Variants in SATL1 observed in about 807,000 individuals in gnomAD.
SATL1 encodes spermidine/spermine N(1)-acetyltransferase-like protein 1.
In SATL1, 47 loss-of-function variants were observed where a neutral mutation model predicts 51.8. That is an observed-to-expected ratio of 0.91 (90% confidence interval 0.72 to 1.16). The LOEUF is 1.16. Among genes scored for constraint, SATL1 ranks in the 50% most tolerant of loss-of-function variants. The pLI is 0.00. For synonymous variants in SATL1, 176 were observed against 182.4 expected, an observed-to-expected ratio of 0.97 and a Z score of 0.28; for missense variants, 520 against 526.4, an observed-to-expected ratio of 0.99 and a Z score of 0.12.
At chrX:85,178,225 A>T (rs897282076) in intron 2 of SATL1, among the ~76,000 whole-genome samples, 4 of 111,072 alleles carry the variant, frequency 3.6e-5, no homozygotes, top group Non-Finnish European at 7.6e-5. Context: ...CCTCTCATTC[A>T]GCCTTGGCAG....
intron 2 of SATL1, among the ~76,000 whole-genome samples, chrX:85,199,404 A>G (rs895996915): frequency 2.3e-4 from 26 of 111,810 alleles, no homozygotes; most frequent in African/African-American, 8.5e-4. Context: ...GAGCTACCAT[A>G]TGATCCAGCA....
intron 2 of SATL1, among the ~76,000 whole-genome samples, chrX:85,127,200 A>G (rs970344081): frequency 3.6e-5 from 4 of 110,644 alleles, no homozygotes; most frequent in African/African-American, 1.3e-4. Flanking sequence ...TGTTTTTAAG[A>G]GGTTACTTAA....
intron 3 of SATL1, among the ~76,000 whole-genome samples, chrX:85,106,086 G>A (rs1176711378): frequency 8.9e-6 from 1 of 111,834 alleles, no homozygotes; most frequent in Non-Finnish European, 1.9e-5. Flanking sequence ...GAGATTAATT[G>A]TCATTCAACA....
chrX:85,126,101 C>T (rs935923425), intron 2 of SATL1, among the ~76,000 whole-genome samples: 15 of 110,688 alleles, frequency 1.4e-4, no homozygotes, highest in Non-Finnish European at 2.6e-4. Context: ...AGGATAAATG[C>T]AAACCACAAT....
intron 2 of SATL1, among the ~76,000 whole-genome samples, chrX:85,146,046 G>A (rs893771735): frequency 8.2e-5 from 9 of 109,893 alleles, no homozygotes; most frequent in Non-Finnish European, 1.1e-4. Context: ...ACAGGCGCCC[G>A]CCACCACGCC....
chrX:85,195,863 A>G (rs1409230708), intron 2 of SATL1, among the ~76,000 whole-genome samples: 3 of 110,693 alleles, frequency 2.7e-5, no homozygotes, highest in African/African-American at 9.8e-5. Context: ...CAAAACGTTG[A>G]GAGCACGTTC....
At position 85,157,886 on chromosome X, in the gene SATL1, C is replaced by T. The variant is rs368727773; in HGVS notation, c.-312-48606G>A. 1.3e-4 allele frequency among the ~76,000 whole-genome samples: 15 copies of T among 111,446 alleles called. No individual in the cohort carries two copies. The East Asian group carries it at 3.7e-3, about 27-fold the overall frequency. The stretch of plus-strand genomic sequence containing the variant: ...CCACAAGCGAACTACCATACCTGTC[C>T]CAATCTACATATTCTTCTCTTTCAG... On this transcript the variant is annotated intron_variant, in intron 2 of 7. Transcript: ENST00000644105.
At chrX:85,162,048 C>G (rs2147728906) in intron 2 of SATL1, among the ~76,000 whole-genome samples, 1 of 111,524 alleles carries the variant, frequency 9.0e-6, no homozygotes, top group East Asian at 2.8e-4. Context: ...ATTAAATAAT[C>G]TCCTCCTGAA....
chrX:85,205,626 G>C (rs1927777893), intron 2 of SATL1, among the ~76,000 whole-genome samples: 1 of 111,915 alleles, frequency 8.9e-6, no homozygotes, highest in African/African-American at 3.2e-5. Context: ...GAAAAAATGG[G>C]CTTGATGTTT....
intron 2 of SATL1, among the ~76,000 whole-genome samples, chrX:85,130,107 CT>C (rs956393191): frequency 2.7e-5 from 3 of 111,478 alleles, no homozygotes; most frequent in Non-Finnish European, 3.8e-5. Flanking sequence ...CTAAAATTCT[CT>C]TTTTTTGTTG....
At chrX:85,201,633 T>C (rs1286383732) in intron 2 of SATL1, among the ~76,000 whole-genome samples, 1 of 111,089 alleles carries the variant, frequency 9.0e-6, no homozygotes, top group Non-Finnish European at 1.9e-5. Flanking sequence ...CCTTCTCAAG[T>C]AGATCCCAGT....
intron 2 of SATL1, among the ~76,000 whole-genome samples, chrX:85,177,499 T>C (rs1927106013): frequency 9.0e-6 from 1 of 111,530 alleles, no homozygotes; most frequent in African/African-American, 3.2e-5. Context: ...ATTCGGGATA[T>C]GACAAAAATC....
intron 2 of SATL1, among the ~76,000 whole-genome samples, chrX:85,133,290 C>T (rs766297988): frequency 1.8e-5 from 2 of 112,028 alleles, no homozygotes; most frequent in South Asian, 3.7e-4. Context: ...AGGTGGGCCT[C>T]GTTGAGCTGC....
rs1229805093 is a variant in SATL1 at position 85,109,198 on chromosome X, T to C, written c.-230A>G. Reference sequence around the variant, plus strand: ...AGGAGCACCTCAGGAAGATTATTAATGCCTCCGGTTTGCTGGAGTTGACTT... The same window carrying C: ...AGGAGCACCTCAGGAAGATTATTAACGCCTCCGGTTTGCTGGAGTTGACTT... On this transcript the variant is annotated 5_prime_UTR_variant, in exon 3 of 8. Transcript: ENST00000644105. 2 of 407,298 alleles carry C rather than the reference T, an allele frequency of 4.9e-6. No individual in the cohort carries two copies. The highest frequency in any genetic ancestry group is 4.7e-5 in the South Asian group (1 of 21,078). The allele number at this position is 407,298 out of a possible 1,213,427, so 33.6% of individuals were successfully genotyped here.
At chrX:85,179,258 T>C (rs1010148770) in intron 2 of SATL1, among the ~76,000 whole-genome samples, 2 of 112,151 alleles carry the variant, frequency 1.8e-5, no homozygotes, top group African/African-American at 6.5e-5. Flanking sequence ...CCTCTGACAT[T>C]TGATTTACTA....
chrX:85,112,211 G>T (rs1925274981), intron 2 of SATL1, among the ~76,000 whole-genome samples: 1 of 110,628 alleles, frequency 9.0e-6, no homozygotes, highest in South Asian at 3.8e-4. Context: ...AATTAGCCAG[G>T]CTTGGTGGTG....
In SATL1 at chrX:85,108,605, A is replaced by T; in HGVS notation, c.364T>A (p.Ser122Thr). 1 of 1,201,531 alleles carries T rather than the reference A, an allele frequency of 8.3e-7. No individual in the cohort carries two copies. The highest frequency in any genetic ancestry group is 1.1e-6 in the Non-Finnish European group (1 of 890,705). ...PGPSQSGPSQ[S>T]RMRQIGTNQS... is the part of the protein sequence containing the mutation. Reference sequence around the variant, plus strand: ...TTCGTGCCTATTTGCCTCATGCGTGATTGGCTGGGGCCTGATTGGCTTGGG... The same window carrying T: ...TTCGTGCCTATTTGCCTCATGCGTGTTTGGCTGGGGCCTGATTGGCTTGGG... Residue 122 changes from serine (S) to threonine (T), a missense_variant, in exon 3 of 8, where the codon TCA (serine) becomes ACA (threonine). Transcript: ENST00000644105.
At chrX:85,237,794 A>G (rs1360102688) in intron 1 of SATL1, among the ~76,000 whole-genome samples, 1 of 111,623 alleles carries the variant, frequency 9.0e-6, no homozygotes, top group African/African-American at 3.3e-5. Flanking sequence ...AAATGGGAGA[A>G]TATATTTGCA....
chrX:85,112,216 G>A lies in SATL1; in HGVS notation c.-312-2936C>T, dbSNP rs761091941. On this transcript the variant is annotated intron_variant, in intron 2 of 7. Coordinates refer to ENST00000644105, the MANE Select transcript of SATL1 (RefSeq NM_001367857.2). ...AAATACAAAAAATTAGCCAGGCTTG[G>A]TGGTGGGTGCCTGTAATCCCAGCTA... 7.2e-5 allele frequency among the ~76,000 whole-genome samples: 8 copies of A among 110,836 alleles called. No individual in the cohort carries two copies. In the South Asian group the frequency reaches 1.1e-3, roughly 16 times the overall value.
Sources: allele counts gnomAD v4.1 joint callset (sites outside exome capture counted in the v4.1 genomes callset), GRCh38; gene constraint gnomAD v4.1.1; transcripts MANE v1.5; gene names NCBI Gene and HGNC (gene_info 2026-07-23, HGNC 2026-07-21).